ZMYND11: variants seen among roughly 807,000 people sequenced by gnomAD.
ZMYND11 encodes the protein zinc finger MYND-type containing 11, also known as zinc finger MYND domain-containing protein 11.
In ZMYND11, 9 loss-of-function variants were observed where a neutral mutation model predicts 84.9. The ratio of observed to expected loss-of-function variants is 0.11; its 90% CI spans 0.06 to 0.18. The LOEUF (loss-of-function observed/expected upper bound fraction) is 0.18, where lower values mean the gene tolerates loss of function less well. ZMYND11 is among the 10% of genes least tolerant of loss of function. The pLI is 1.00. For missense variants in ZMYND11, 409 were observed against 761.0 expected (o/e 0.54, Z 5.44); for synonymous variants, 250 against 244.1 (o/e 1.02, Z -0.23).
intron 1 of ZMYND11, among the ~76,000 whole-genome samples, chr10:173,474 G>A (rs1295524765): frequency 2.0e-5 from 3 of 152,178 alleles, no homozygotes; most frequent in Admixed American, 2.0e-4. Flanking sequence ...GAAATGGACA[G>A]AAGGGCAAAG....
intron 2 of ZMYND11, among the ~76,000 whole-genome samples, chr10:207,963 A>G (rs944364984): frequency 3.3e-5 from 5 of 152,202 alleles, no homozygotes; most frequent in Non-Finnish European, 7.3e-5. Flanking sequence ...AGATCAATGG[A>G]ACAGAACGGA....
intron 2 of ZMYND11, among the ~76,000 whole-genome samples, chr10:201,073 C>A (rs1005762835): frequency 5.3e-5 from 8 of 151,836 alleles, no homozygotes; most frequent in African/African-American, 1.9e-4. Flanking sequence ...GATACTAGAT[C>A]AATATTCATT....
rs35064335 is a variant in ZMYND11 at position 236,822 on chromosome 10, CTTTT to C, written c.439-10_439-7del. On this transcript the variant is annotated splice_polypyrimidine_tract_variant and intron_variant, in intron 4 of 14. Coordinates refer to ENST00000381604, the MANE Select transcript of ZMYND11 (RefSeq NM_001370100.5). The stretch of plus-strand genomic sequence containing the variant: ...ATCAGATTTTGTACCTTTTTTTATT[CTTTT>C]TTTTTCAATAGAGCATTAAGAAGAA... 11 of 1,573,016 alleles carry C rather than the reference CTTTT, an allele frequency of 7.0e-6. No homozygotes were observed. The highest frequency in any genetic ancestry group is 1.7e-5 in the Admixed American group (1 of 57,860).
At chr10:199,905 T>C (rs1942726041) in intron 2 of ZMYND11, among the ~76,000 whole-genome samples, 1 of 151,638 alleles carries the variant, frequency 6.6e-6, no homozygotes. Context: ...TGTTCTGTCA[T>C]CCAGGCTGGA....
chr10:187,375 C>G (rs1343702301), intron 2 of ZMYND11, among the ~76,000 whole-genome samples: 3 of 152,220 alleles, frequency 2.0e-5, no homozygotes, highest in Non-Finnish European at 4.4e-5. Flanking sequence ...TGGCTCACGC[C>G]TGTAATCTCA....
chr10:207,293 A>G (rs1944371029), intron 2 of ZMYND11, among the ~76,000 whole-genome samples: 1 of 152,194 alleles, frequency 6.6e-6, no homozygotes, highest in Admixed American at 6.5e-5. Context: ...GTGCCGCAGT[A>G]AACATACATG....
At chr10:234,684 ATG>A (rs1057303022) in intron 4 of ZMYND11, among the ~76,000 whole-genome samples, 1 of 152,104 alleles carries the variant, frequency 6.6e-6, no homozygotes, top group Non-Finnish European at 1.5e-5. Flanking sequence ...AGCTAGAAGC[ATG>A]TGTTTTTATT....
At chr10:237,384 T>A (rs1387566566) in intron 5 of ZMYND11, among the ~76,000 whole-genome samples, 1 of 152,224 alleles carries the variant, frequency 6.6e-6, no homozygotes, top group African/African-American at 2.4e-5. Flanking sequence ...GGCTCCCGCC[T>A]GTAATCCCAG....
At chr10:229,993 A>C (rs1411697693) in intron 4 of ZMYND11, among the ~76,000 whole-genome samples, 1 of 152,214 alleles carries the variant, frequency 6.6e-6, no homozygotes, top group Non-Finnish European at 1.5e-5. Context: ...AATCAAAATA[A>C]ATTTTAAGAG....
chr10:143,644 C>G lies in ZMYND11; in HGVS notation c.-20+8085C>G, dbSNP rs936096294. On this transcript the variant is annotated intron_variant, in intron 1 of 14. Transcript: ENST00000381604. ...TTTTTAAATTATAGAGGATATAAGT[C>G]TACAGTATTTTTTTCTACTGTACTT... Among the ~76,000 whole-genome samples, 109 of 152,104 alleles carry G rather than the reference C, an allele frequency of 7.2e-4. 1 individual carries two copies. The highest frequency in any genetic ancestry group is 2.8e-4 in the Non-Finnish European group (19 of 68,036).
chr10:178,955 G>A (rs994779266), intron 1 of ZMYND11, among the ~76,000 whole-genome samples: 1 of 152,166 alleles, frequency 6.6e-6, no homozygotes, highest in Non-Finnish European at 1.5e-5. Flanking sequence ...GCCAGTCATG[G>A]AACACAGCAA....
Position 240,994 on chromosome 10 carries a change from T to C in ZMYND11, c.831+24T>C, listed in dbSNP as rs777382813. On this transcript the variant is annotated intron_variant, in intron 9 of 14. Coordinates refer to ENST00000381604, the MANE Select transcript of ZMYND11 (RefSeq NM_001370100.5). The stretch of plus-strand genomic sequence containing the variant: ...GTGTATGTGAAATTTTTACCTCAAG[T>C]GTGTAACATACAGCTCTAAGGAAGT... 5 of 1,567,470 alleles carry C rather than the reference T, an allele frequency of 3.2e-6. No homozygotes were observed. The African/African-American group carries it at 6.8e-5, about 21-fold the overall frequency.
At chr10:223,697 A>T (rs1036271254) in intron 4 of ZMYND11, among the ~76,000 whole-genome samples, 1 of 152,232 alleles carries the variant, frequency 6.6e-6, no homozygotes, top group Admixed American at 6.5e-5. Flanking sequence ...CAAGAAAAAG[A>T]TAAGTACTAA....
At chr10:135,061 G>A (rs1468024537), upstream of ZMYND11, 1 of 149,178 alleles carries the variant, frequency 6.7e-6, no homozygotes, top group African/African-American at 2.4e-5. This position sits in a 1 kb window ranked among gnomAD's most constrained non-coding sequence, Gnocchi z 5.6. Flanking sequence ...AGGGGCCGGT[G>A]GGGCCGAGCG....
At chr10:171,840 C>T (rs146113576) in intron 1 of ZMYND11, among the ~76,000 whole-genome samples, 1 of 152,324 alleles carries the variant, frequency 6.6e-6, no homozygotes, top group East Asian at 1.9e-4. Flanking sequence ...TGTCCCCTCA[C>T]CACACTGCCT....
At chr10:217,764 C>T (rs1308399115) in intron 3 of ZMYND11, among the ~76,000 whole-genome samples, 6 of 152,170 alleles carry the variant, frequency 3.9e-5, no homozygotes, top group South Asian at 4.2e-4. Context: ...GTGTAGACTG[C>T]GTACTATCAT....
intron 4 of ZMYND11, among the ~76,000 whole-genome samples, chr10:230,315 A>T (rs904117864): frequency 6.6e-6 from 1 of 151,690 alleles, no homozygotes; most frequent in African/African-American, 2.4e-5. Flanking sequence ...TCTACTAAAA[A>T]TACAAAAATT....
At chr10:140,982 A>T (rs1425778648) in intron 1 of ZMYND11, among the ~76,000 whole-genome samples, 1 of 152,250 alleles carries the variant, frequency 6.6e-6, no homozygotes, top group Non-Finnish European at 1.5e-5. Flanking sequence ...TAAAGGAATC[A>T]TATGGACTCT....
chr10:209,745 C>A, intron 2 of ZMYND11, 144 bp from the exon 3 acceptor site: 1 of 633,722 alleles, frequency 1.6e-6, no homozygotes. Flanking sequence ...TTATCGTGTT[C>A]GTTCTTTATC....
Sources: gnomAD v4.1 joint callset for allele counts (sites outside exome capture counted in the v4.1 genomes callset) on GRCh38, gnomAD v4.1.1 for gene constraint, Gnocchi (gnomAD v3.1) non-coding constraint, MANE v1.5 for transcripts, NCBI Gene and HGNC (gene_info 2026-07-23, HGNC 2026-07-21) for gene names.